ENPP7: variants seen among roughly 807,000 people sequenced by gnomAD.
ENPP7 encodes the protein ectonucleotide pyrophosphatase/phosphodiesterase 7, also known as ectonucleotide pyrophosphatase/phosphodiesterase family member 7.
ENPP7 carries 39 observed loss-of-function variants against 33.6 expected under a neutral mutation model. The ratio of observed to expected loss-of-function variants is 1.16; its 90% CI spans 0.90 to 1.52. ENPP7 has a LOEUF of 1.52. ENPP7 is among the 40% of genes most tolerant of loss of function. The pLI is 0.00. For synonymous variants in ENPP7, 244 were observed against 274.3 expected (o/e 0.89, Z 1.09); for missense variants, 594 against 641.0 (o/e 0.93, Z 0.79).
Position 79,737,094 on chromosome 17 carries a change from G to A in ENPP7, c.1080G>A (p.Met360Ile), listed in dbSNP as rs548765010. 27 of 1,614,198 alleles carry A rather than the reference G, an allele frequency of 1.7e-5. No homozygotes were observed. In the South Asian group the frequency reaches 2.3e-4, roughly 14 times the overall value. Residue 360 changes from methionine (M) to isoleucine (I), a missense_variant, in exon 4 of 6, where the codon ATG becomes ATA. Transcript: ENST00000328313. This position sits in a 1 kb window ranked among gnomAD's most constrained non-coding sequence, Gnocchi z 5.5. ...NGEHGFDNKD[M>I]DMKTIFRAVG... The stretch of plus-strand genomic sequence containing the variant: ...AGCACGGCTTTGACAACAAGGACAT[G>A]GACATGAAGACCATCTTCCGCGCTG...
chr17:79,740,302 C>T (rs1283246625), intron 5 of ENPP7, among the ~76,000 whole-genome samples: 23 of 152,252 alleles, frequency 1.5e-4, no homozygotes, highest in African/African-American at 5.1e-4. Context: ...ATGTCACATC[C>T]GGAAGGGGAC....
chr17:79,732,151 C>CATATATAT (rs2094287721), intron 1 of ENPP7, among the ~76,000 whole-genome samples: 1 of 25,884 alleles, frequency 3.9e-5, no homozygotes, highest in East Asian at 8.3e-4. Flanking sequence ...TATATATATA[C>CATATATAT]ACACACATAT....
chr17:79,734,378 C>T (rs2094291459), intron 2 of ENPP7, among the ~76,000 whole-genome samples: 1 of 152,162 alleles, frequency 6.6e-6, no homozygotes, highest in African/African-American at 2.4e-5. Context: ...GGTAGAGACC[C>T]TGGCATCACA....
rs2094284538 is a variant in ENPP7, at chr17:79,731,195, G to C, written c.56G>C (p.Gly19Ala). The C allele has an allele frequency of 6.2e-7, 1 of 1,611,764 alleles. No individual in the cohort carries two copies. ...TVALATLLAP[G>A]AGAPVQSQGS... ...GCTCTGGCCACGCTCCTGGCTCCCG[G>C]GGCCGGAGCACCGGTACAAAGTCAG... The change falls in exon 1 of 6, where the codon GGG (glycine) becomes GCG (alanine). Residue 19 changes from glycine (G) to alanine (A), a missense_variant. Coordinates refer to ENST00000328313, the MANE Select transcript of ENPP7 (RefSeq NM_178543.5).
rs1168995286 is a variant in ENPP7 at position 79,735,753 on chromosome 17, C to A, written c.1026+84C>A. On this transcript the variant is annotated intron_variant, in intron 3 of 5. Coordinates refer to ENST00000328313, the MANE Select transcript of ENPP7 (RefSeq NM_178543.5). This position sits in a 1 kb window ranked among gnomAD's most constrained non-coding sequence, Gnocchi z 5.5. ...CTTTTTTTTTTTTTGAGACCAGGGTCTTGCTCTGTTGCCCAGGCTGGAGTG... is the reference window on the plus strand; with the variant it reads ...CTTTTTTTTTTTTTGAGACCAGGGTATTGCTCTGTTGCCCAGGCTGGAGTG... The A allele has an allele frequency of 9.2e-6, 12 of 1,306,734 alleles. No individual in the cohort carries two copies. Among genetic ancestry groups the A allele is most frequent in the Non-Finnish European group, 1.1e-5 (11 of 959,358 alleles). The allele number at this position is 1,306,734 out of a possible 1,614,324, so 80.9% of individuals were successfully genotyped here.
chr17:79,738,210 G>A lies in ENPP7; in HGVS notation c.*16+148G>A. The A allele has an allele frequency of 2.7e-6, 2 of 736,950 alleles. No individual in the cohort carries two copies. The highest frequency in any genetic ancestry group is 2.6e-5 in the Admixed American group (1 of 38,886). 45.7% of individuals were successfully genotyped at this position (736,950 alleles called of 1,614,324 possible). A position where few individuals can be genotyped will look rare whatever the true frequency, so the allele number is the denominator to read the frequency against. ...CTCCCACTGACCTGGCTGCCCCAGA[G>A]AGGCCATCACCCCTGAGATCCCGAG... On this transcript the variant is annotated intron_variant, in intron 5 of 5. Transcript: ENST00000328313. This position sits in a 1 kb window ranked among gnomAD's most constrained non-coding sequence, Gnocchi z 6.2.
In ENPP7 at chr17:79,739,987, T is replaced by A. The variant is rs1598204807; in HGVS notation, c.*17-1807T>A. 6.6e-6 allele frequency among the ~76,000 whole-genome samples: 1 copy of A among 151,304 alleles called. No individual in the cohort carries two copies. On this transcript the variant is annotated intron_variant, in intron 5 of 5. Coordinates refer to ENST00000328313, the MANE Select transcript of ENPP7 (RefSeq NM_178543.5). This position sits in a 1 kb window ranked among gnomAD's most constrained non-coding sequence, Gnocchi z 4.4. ...CAGGAGGATCGCTTGAGCCCAGGAGTTCAAGACCAGCCTTGGCAATATAGT... is the reference window on the plus strand; with the variant it reads ...CAGGAGGATCGCTTGAGCCCAGGAGATCAAGACCAGCCTTGGCAATATAGT...
chr17:79,731,507 A>C (rs2094285442), intron 1 of ENPP7, 115 bp downstream of exon 1: 3 of 1,277,384 alleles, frequency 2.3e-6, no homozygotes, highest in African/African-American at 3.0e-5. Context: ...CACAGGACAG[A>C]GCCAAGGGGA....
intron 1 of ENPP7, among the ~76,000 whole-genome samples, chr17:79,731,708 C>T (rs1482826831): frequency 6.6e-6 from 1 of 152,194 alleles, no homozygotes; most frequent in Non-Finnish European, 1.5e-5. Context: ...GCTGTGTCAG[C>T]CTCTCCCTCT....
chr17:79,734,161 T>A (rs2094291129), intron 2 of ENPP7, among the ~76,000 whole-genome samples: 1 of 139,138 alleles, frequency 7.2e-6, no homozygotes, highest in African/African-American at 2.6e-5. Context: ...CACCCCCAGT[T>A]TGCAATGCTC....
chr17:79,733,379 C>T, intron 1 of ENPP7, 129 bp from the exon 2 acceptor site: 2 of 956,720 alleles, frequency 2.1e-6, no homozygotes, highest in Admixed American at 4.0e-5. Context: ...AGCCCTGCCC[C>T]AGGCCCACTC....
chr17:79,731,338 A>G lies in ENPP7; in HGVS notation c.199A>G (p.Met67Val), dbSNP rs549625842. Residue 67 changes from methionine to valine, a missense_variant, in exon 1 of 6, where the codon ATG becomes GTG. Around this residue, in one of 3 missense-constraint regions of ENPP7, gnomAD observed 85 missense variants for 111.3 expected, o/e 0.76. Coordinates refer to ENST00000328313, the MANE Select transcript of ENPP7 (RefSeq NM_178543.5). ...CCGAGACGGGGTGAAGGCACGCTAC[A>G]TGACCCCCGCCTTTGTCACCATGAC... is the stretch of plus-strand genomic sequence containing the variant. Reference protein sequence around the residue: ...MARDGVKARYMTPAFVTMTSP... With the variant: ...MARDGVKARYVTPAFVTMTSP... 46 of 1,613,554 alleles carry G rather than the reference A, an allele frequency of 2.9e-5. No individual in the cohort carries two copies. The Middle Eastern group carries it at 5.0e-4, about 17-fold the overall frequency.
chr17:79,740,719 C>A (rs1555824410), intron 5 of ENPP7, among the ~76,000 whole-genome samples: 1 of 152,220 alleles, frequency 6.6e-6, no homozygotes, highest in Non-Finnish European at 1.5e-5. Context: ...TCCCAGCAAA[C>A]CTGCTCTCCA....
Position 79,737,571 on chromosome 17 carries a change from C to A in ENPP7, c.1246+311C>A, listed in dbSNP as rs1568487796. ...CCACCTCCTGGCTGCTGGATCCCCA[C>A]TCCCCACTCCCCACCACAGCAACCT... On this transcript the variant is annotated intron_variant, in intron 4 of 5. Coordinates refer to ENST00000328313, the MANE Select transcript of ENPP7 (RefSeq NM_178543.5). This position sits in a 1 kb window ranked among gnomAD's most constrained non-coding sequence, Gnocchi z 5.5. Among the ~76,000 whole-genome samples, 1 of 151,456 alleles carries A rather than the reference C, an allele frequency of 6.6e-6. No homozygotes were observed. Among genetic ancestry groups the A allele is most frequent in the Non-Finnish European group, 1.5e-5 (1 of 67,542 alleles).
chr17:79,731,272 T>C lies in ENPP7; in HGVS notation c.133T>C (p.Tyr45His), dbSNP rs782807585. ...LVSFDGFRWN[Y>H]DQDVDTPNLD... ...GTCCTTCGACGGCTTCCGCTGGAAC[T>C]ACGACCAGGACGTGGACACCCCCAA... is the stretch of plus-strand genomic sequence containing the variant. Residue 45 changes from tyrosine to histidine, a missense_variant, in exon 1 of 6, where the codon TAC becomes CAC. Around this residue, in one of 3 missense-constraint regions of ENPP7, gnomAD observed 85 missense variants for 111.3 expected, o/e 0.76. Transcript: ENST00000328313. 6.2e-7 allele frequency: 1 copy of C among 1,613,914 alleles called. No individual in the cohort carries two copies. Among genetic ancestry groups the C allele is most frequent in the South Asian group, 1.1e-5 (1 of 91,072 alleles).
chr17:79,733,715 G>A, intron 2 of ENPP7, 62 bp downstream of exon 2: 2 of 1,506,786 alleles, frequency 1.3e-6, no homozygotes, highest in Non-Finnish European at 8.9e-7. Flanking sequence ...CCCAGGTGAG[G>A]CTTGGAACCA....
chr17:79,741,390 A>G (rs552353581), intron 5 of ENPP7, among the ~76,000 whole-genome samples: 1 of 152,208 alleles, frequency 6.6e-6, no homozygotes, highest in South Asian at 2.1e-4. Context: ...GACTTTACAG[A>G]GTCCTCCTTC....
intron 1 of ENPP7, 97 bp downstream of exon 1, chr17:79,731,489 G>A (rs1195117744): frequency 2.1e-6 from 3 of 1,417,164 alleles, no homozygotes; most frequent in Non-Finnish European, 2.8e-6. Flanking sequence ...AGAGGTCCTT[G>A]CTCCAGGCAC....
chr17:79,733,767 G>T, intron 2 of ENPP7, 114 bp downstream of exon 2: 1 of 1,142,648 alleles, frequency 8.8e-7, no homozygotes, highest in Non-Finnish European at 1.2e-6. Flanking sequence ...CCAGGGTCTC[G>T]GGGCTCCTGG....
Sources: gnomAD v4.1 joint callset for allele counts (sites outside exome capture counted in the v4.1 genomes callset) on GRCh38, gnomAD v4.1.1 for gene constraint, gnomAD v4.1.1 regional missense constraint, Gnocchi (gnomAD v3.1) non-coding constraint, MANE v1.5 for transcripts, NCBI Gene and HGNC (gene_info 2026-07-23, HGNC 2026-07-21) for gene names.